The following OPHN1 variants were observed in gnomAD, a reference collection of about 807,000 sequenced individuals.
OPHN1 encodes the protein oligophrenin 1.
In OPHN1, 11 loss-of-function variants were observed where a neutral mutation model predicts 60.7. That is an observed-to-expected ratio of 0.18 (90% CI 0.11 to 0.30). OPHN1 has a LOEUF of 0.30. OPHN1 is among the 10% of genes least tolerant of loss of function. The pLI, the probability that OPHN1 is intolerant of heterozygous loss-of-function variation, is 1.00. For missense variants in OPHN1, 449 were observed against 611.0 expected (o/e 0.73, Z 2.80); for synonymous variants, 226 against 222.6 (o/e 1.02, Z -0.14).
At position 68,397,524 on chromosome X, in the gene OPHN1, ATT is replaced by A. The variant is rs753432008; in HGVS notation, c.154+35341_154+35342del. Among the ~76,000 whole-genome samples, 267 of 31,561 alleles carry A rather than the reference ATT, an allele frequency of 8.5e-3. 4 individuals are homozygous for A. Among genetic ancestry groups the A allele is most frequent in the Middle Eastern group, 0.029 (1 of 35 alleles). The allele number at this position is 31,561 out of a possible 115,157, so 27.4% of individuals were successfully genotyped here. A position where few individuals can be genotyped will look rare whatever the true frequency, so the allele number is the denominator to read the frequency against. On this transcript the variant is annotated intron_variant, in intron 2 of 24. Transcript: ENST00000355520. ...ACTTTTTTCTTTTATTTATTTATTT[ATT>A]TTTTTTTTTTTTTTGAAACAGAGTC...
chrX:68,287,292 AAAG>A (rs1359460827), intron 3 of OPHN1, among the ~76,000 whole-genome samples: 1 of 101,008 alleles, frequency 9.9e-6, no homozygotes, highest in African/African-American at 3.6e-5. Flanking sequence ...GGGAAGGGGA[AAAG>A]AAGAAAGAAA....
chrX:68,367,489 T>C (rs917542695), intron 2 of OPHN1, among the ~76,000 whole-genome samples: 2 of 111,101 alleles, frequency 1.8e-5, no homozygotes, highest in African/African-American at 6.5e-5. Flanking sequence ...GTAGGAAAGT[T>C]TTGTGGCATT....
At chrX:68,284,831 T>C (rs2078033741) in intron 3 of OPHN1, among the ~76,000 whole-genome samples, 1 of 111,949 alleles carries the variant, frequency 8.9e-6, no homozygotes, top group African/African-American at 3.2e-5. Flanking sequence ...ACCATGAACA[T>C]TTGTGAACAA....
chrX:68,070,796 T>C (rs878892331), intron 20 of OPHN1: 2 of 1,161,410 alleles, frequency 1.7e-6, no homozygotes, highest in African/African-American at 3.5e-5. Flanking sequence ...CAAGTGACAG[T>C]CTCAGCATAC....
chrX:68,380,665 T>G (rs928701347), intron 2 of OPHN1, among the ~76,000 whole-genome samples: 7 of 111,579 alleles, frequency 6.3e-5, no homozygotes, highest in East Asian at 5.7e-4. Context: ...ACATCTTTAT[T>G]TCTGCCTTCA....
At chrX:68,232,929 CTT>C (rs537093148) in intron 6 of OPHN1, among the ~76,000 whole-genome samples, 8 of 94,125 alleles carry the variant, frequency 8.5e-5, no homozygotes, top group Admixed American at 1.2e-4. Flanking sequence ...ACAACTAAGG[CTT>C]TTTTTTTTTT....
chrX:68,273,667 G>A (rs1359677076), intron 5 of OPHN1, among the ~76,000 whole-genome samples: 1 of 112,057 alleles, frequency 8.9e-6, no homozygotes, highest in Non-Finnish European at 1.9e-5. Context: ...TATTTAAATA[G>A]ATAGTAGTTA....
At chrX:68,256,476 T>C (rs2077864167) in intron 5 of OPHN1, among the ~76,000 whole-genome samples, 1 of 111,957 alleles carries the variant, frequency 8.9e-6, no homozygotes, top group East Asian at 2.8e-4. Flanking sequence ...AAGTGATTTC[T>C]TCTTAACTCC....
At chrX:68,380,649 C>T (rs972070587) in intron 2 of OPHN1, among the ~76,000 whole-genome samples, 1 of 111,269 alleles carries the variant, frequency 9.0e-6, no homozygotes, top group Non-Finnish European at 1.9e-5. Flanking sequence ...TCATTGGTTT[C>T]AAAGAACATC....
chrX:68,226,739 A>G (rs952987205), intron 6 of OPHN1, among the ~76,000 whole-genome samples: 11 of 111,711 alleles, frequency 9.8e-5, no homozygotes, highest in African/African-American at 3.6e-4. Flanking sequence ...AGCACTAAAC[A>G]TGGAAAGGAA....
At chrX:68,221,599 G>A (rs1304995882) in intron 6 of OPHN1, among the ~76,000 whole-genome samples, 2 of 90,210 alleles carry the variant, frequency 2.2e-5, no homozygotes, top group Non-Finnish European at 4.4e-5. Context: ...CAATGGAACA[G>A]AACAGAGCCC....
chrX:68,303,339 C>T (rs1303801969), intron 2 of OPHN1, among the ~76,000 whole-genome samples: 1 of 111,671 alleles, frequency 9.0e-6, no homozygotes, highest in African/African-American at 3.3e-5. Flanking sequence ...AAGTGTTCAT[C>T]AATATATAAA....
chrX:68,227,322 C>A (rs755926425), intron 6 of OPHN1, among the ~76,000 whole-genome samples: 36 of 110,247 alleles, frequency 3.3e-4, no homozygotes, highest in African/African-American at 1.1e-3. Context: ...ACTTTGACAC[C>A]CCACTGTCAA....
chrX:68,296,522 A>G (rs1171262288), intron 3 of OPHN1, among the ~76,000 whole-genome samples: 1 of 108,661 alleles, frequency 9.2e-6, no homozygotes. Context: ...GCCAGGCATC[A>G]TGGCGGGTGC....
intron 2 of OPHN1, among the ~76,000 whole-genome samples, chrX:68,382,702 G>A (rs2078603555): frequency 9.0e-6 from 1 of 111,627 alleles, no homozygotes; most frequent in Admixed American, 9.6e-5. Context: ...TGTGGTGATG[G>A]TTGCACAACT....
At chrX:68,378,711 T>C (rs2078575955) in intron 2 of OPHN1, among the ~76,000 whole-genome samples, 1 of 111,665 alleles carries the variant, frequency 9.0e-6, no homozygotes, top group Non-Finnish European at 1.9e-5. Flanking sequence ...ATTGCTTGTT[T>C]TTGTGAGGTT....
At chrX:68,132,739 C>CAAAA in intron 15 of OPHN1, 2 of 91,206 alleles carry the variant, frequency 2.2e-5, no homozygotes, top group East Asian at 2.6e-4. Flanking sequence ...TACTAAGTGT[C>CAAAA]AAAAAAAAAA....
At position 68,053,671 on chromosome X, in the gene OPHN1, G is replaced by A; in HGVS notation, c.2298C>T (p.Gly766=). ...KPEPKPDIVA[G]NAGEITSSVV... ...CAGATGATGTGATTTCCCCCGCATT[G>A]CCAGCCACAATATCTGGCTTTGGTT... is the stretch of plus-strand genomic sequence containing the variant. Residue 766 remains glycine (G), a synonymous_variant, in exon 22 of 25, where the codon GGC becomes GGT. Transcript: ENST00000355520. 8.3e-7 allele frequency: 1 copy of A among 1,211,338 alleles called. No individual in the cohort carries two copies. The highest frequency in any genetic ancestry group is 1.1e-6 in the Non-Finnish European group (1 of 895,313).
chrX:68,090,283 T>C (rs2077012494), intron 19 of OPHN1, among the ~76,000 whole-genome samples: 1 of 109,191 alleles, frequency 9.2e-6, no homozygotes, highest in Non-Finnish European at 1.9e-5. Context: ...TGTAGGTAGG[T>C]AGATATAGAG....
Sources: gnomAD v4.1 joint callset for allele counts (sites outside exome capture counted in the v4.1 genomes callset) on GRCh38, gnomAD v4.1.1 for gene constraint, MANE v1.5 for transcripts, NCBI Gene and HGNC (gene_info 2026-07-23, HGNC 2026-07-21) for gene names.